HEATR5A: variants seen among roughly 807,000 people sequenced by gnomAD.
The protein encoded by HEATR5A is HEAT repeat containing 5A, also known as HEAT repeat-containing protein 5A.
Under a neutral mutation model 218.8 loss-of-function variants are expected in HEATR5A, and 178 were observed. The ratio of observed to expected loss-of-function variants is 0.81; its 90% CI spans 0.72 to 0.92. The LOEUF (loss-of-function observed/expected upper bound fraction) is 0.92, where lower values mean the gene tolerates loss of function less well. HEATR5A is among the 40% of genes least tolerant of loss of function. The pLI, the probability that HEATR5A is intolerant of heterozygous loss-of-function variation, is 0.00. For missense variants in HEATR5A, 2,420 were observed against 2,418.9 expected (o/e 1.00, Z -0.01); for synonymous variants, 864 against 871.6 (o/e 0.99, Z 0.15).
At chr14:31,414,366 C>T (rs1473381632) in intron 1 of HEATR5A, among the ~76,000 whole-genome samples, 1 of 152,148 alleles carries the variant, frequency 6.6e-6, no homozygotes, top group Non-Finnish European at 1.5e-5. Flanking sequence ...AAAGCCTATT[C>T]ATTCTTAGTT....
chr14:31,302,629 T>C (rs951478810), intron 32 of HEATR5A, 110 bp from the exon 33 acceptor site: 10 of 710,462 alleles, frequency 1.4e-5, no homozygotes, highest in Non-Finnish European at 2.3e-5. Context: ...TTTTAAAAGA[T>C]GATTTCTAAT....
At chr14:31,314,225 G>C (rs1899844672) in intron 27 of HEATR5A, among the ~76,000 whole-genome samples, 1 of 151,960 alleles carries the variant, frequency 6.6e-6, no homozygotes, top group African/African-American at 2.4e-5. Flanking sequence ...TGGGATTATA[G>C]GCGTGAGCCA....
chr14:31,296,041 A>G lies in HEATR5A; in HGVS notation c.5487T>C (p.Leu1829=), dbSNP rs1899179024. 3 of 1,613,406 alleles carry G rather than the reference A, an allele frequency of 1.9e-6. No homozygotes were observed. The highest frequency in any genetic ancestry group is 2.7e-5 in the African/African-American group (2 of 74,890). ...WDPVDETHQE[L]DEVSLLTAIT... ...TAGCAGTAAGTAGACTGACTTCATC[A>G]AGTTCTTGGTGTGTTTCATCAACTA... Residue 1829 remains leucine, a synonymous_variant, in exon 34 of 36, where the codon CTT becomes CTC. Coordinates refer to ENST00000543095, the MANE Select transcript of HEATR5A (RefSeq NM_015473.4).
At chr14:31,318,678 C>G (rs1414483058) in intron 25 of HEATR5A, among the ~76,000 whole-genome samples, 1 of 152,116 alleles carries the variant, frequency 6.6e-6, no homozygotes, top group Non-Finnish European at 1.5e-5. Context: ...TTAGTAGAGA[C>G]AGGGTTTCAC....
At position 31,344,080 on chromosome 14, in the gene HEATR5A, A is replaced by T; in HGVS notation, c.3059-15T>A. 2 of 1,442,698 alleles carry T rather than the reference A, an allele frequency of 1.4e-6. No individual in the cohort carries two copies. Among genetic ancestry groups the T allele is most frequent in the Non-Finnish European group, 9.2e-7 (1 of 1,083,434 alleles). 89.4% of individuals were successfully genotyped at this position (1,442,698 alleles called of 1,614,324 possible). Reference sequence around the variant, plus strand: ...AGTACTGTTACCTAAAATAAAAAGCAGAAAGCTTTTAATAATTGGCCTATA... The same window carrying T: ...AGTACTGTTACCTAAAATAAAAAGCTGAAAGCTTTTAATAATTGGCCTATA... On this transcript the variant is annotated splice_polypyrimidine_tract_variant and intron_variant, in intron 20 of 35. Coordinates refer to ENST00000543095, the MANE Select transcript of HEATR5A (RefSeq NM_015473.4).
intron 11 of HEATR5A, among the ~76,000 whole-genome samples, chr14:31,375,396 AT>A (rs1208375996): frequency 6.6e-6 from 1 of 152,158 alleles, no homozygotes; most frequent in African/African-American, 2.4e-5. Context: ...ACAACATTGC[AT>A]GCTTTTTGAG....
chr14:31,321,195 G>C (rs1900091151), intron 25 of HEATR5A, among the ~76,000 whole-genome samples: 1 of 151,100 alleles, frequency 6.6e-6, no homozygotes, highest in Admixed American at 6.6e-5. Flanking sequence ...GTCTGGATCT[G>C]TCACCTAGGC....
At chr14:31,300,903 T>TA (rs943589788) in intron 33 of HEATR5A, among the ~76,000 whole-genome samples, 16 of 152,112 alleles carry the variant, frequency 1.1e-4, no homozygotes, top group Admixed American at 5.9e-4. Context: ...TCCCATTTTT[T>TA]AAAAAAAACC....
Position 31,377,400 on chromosome 14 carries a change from GA to G in HEATR5A, c.1709-2433del, listed in dbSNP as rs1595153568. Among the ~76,000 whole-genome samples, 3 of 124,368 alleles carry G rather than the reference GA, an allele frequency of 2.4e-5. No individual in the cohort carries two copies. In the East Asian group the frequency reaches 7.2e-4, roughly 30 times the overall value. The allele number at this position is 124,368 out of a possible 152,430, so 81.6% of individuals were successfully genotyped here. On this transcript the variant is annotated intron_variant, in intron 11 of 35. Coordinates refer to ENST00000543095, the MANE Select transcript of HEATR5A (RefSeq NM_015473.4). ...AACATATAAATATATAAAATTCCAT[GA>G]GCTCATAATGATACCTAAAAAAAAA...
rs550183124 is a variant in HEATR5A at position 31,378,802 on chromosome 14, A to G, written c.1708+1665T>C. Among the ~76,000 whole-genome samples, 1,103 of 129,858 alleles carry G rather than the reference A, an allele frequency of 8.5e-3. 24 individuals are homozygous for G. The highest frequency in any genetic ancestry group is 0.033 in the African/African-American group (1,046 of 31,444). The allele number at this position is 129,858 out of a possible 152,430, so 85.2% of individuals were successfully genotyped here. On this transcript the variant is annotated intron_variant, in intron 11 of 35. Transcript: ENST00000543095. ...GACTCCACCTCAAAAAAAAACAAAC[A>G]AAAAAAAAAAACACTACTTAAAGTA...
At chr14:31,362,604 G>GAAA (rs1901656618) in intron 14 of HEATR5A, among the ~76,000 whole-genome samples, 1 of 18,700 alleles carries the variant, frequency 5.3e-5, no homozygotes, top group Non-Finnish European at 1.1e-4. Flanking sequence ...CTCTACAAAT[G>GAAA]ACAAAAAAAA....
At chr14:31,371,234 C>T (rs1595147263) in intron 13 of HEATR5A, among the ~76,000 whole-genome samples, 1 of 152,294 alleles carries the variant, frequency 6.6e-6, no homozygotes, top group East Asian at 1.9e-4. Context: ...AAGAAACAGT[C>T]ACAAACCTTT....
chr14:31,301,559 T>TA, intron 33 of HEATR5A, among the ~76,000 whole-genome samples: 1 of 152,344 alleles, frequency 6.6e-6, no homozygotes, highest in East Asian at 1.9e-4. Flanking sequence ...TATTTATTAC[T>TA]CACTACAAGC....
At chr14:31,397,473 C>G (rs1023928747) in intron 4 of HEATR5A, among the ~76,000 whole-genome samples, 1 of 151,844 alleles carries the variant, frequency 6.6e-6, no homozygotes, top group Non-Finnish European at 1.5e-5. Flanking sequence ...GCCTGGTGAA[C>G]ATGGTGAAAC....
intron 2 of HEATR5A, among the ~76,000 whole-genome samples, chr14:31,400,735 G>C (rs1043444552): frequency 6.6e-6 from 1 of 151,882 alleles, no homozygotes; most frequent in Non-Finnish European, 1.5e-5. Flanking sequence ...CAAAAATTCC[G>C]AACCACATTA....
chr14:31,382,061 G>C (rs1478758866), intron 10 of HEATR5A, among the ~76,000 whole-genome samples: 1 of 152,170 alleles, frequency 6.6e-6, no homozygotes, highest in Non-Finnish European at 1.5e-5. Flanking sequence ...CAAAAAGAGT[G>C]AGGACAAAAC....
intron 31 of HEATR5A, among the ~76,000 whole-genome samples, chr14:31,305,403 T>C (rs1444560300): frequency 6.6e-6 from 1 of 152,100 alleles, no homozygotes; most frequent in Non-Finnish European, 1.5e-5. Flanking sequence ...GCTGGGATTA[T>C]AGGCATGCAC....
intron 13 of HEATR5A, among the ~76,000 whole-genome samples, chr14:31,366,956 C>A (rs898818056): frequency 6.6e-6 from 1 of 152,168 alleles, no homozygotes; most frequent in Non-Finnish European, 1.5e-5. Context: ...GGAGCAAACA[C>A]CATCCTATCA....
chr14:31,324,201 G>A (rs1481402051), intron 23 of HEATR5A, among the ~76,000 whole-genome samples: 1 of 152,056 alleles, frequency 6.6e-6, no homozygotes, highest in Non-Finnish European at 1.5e-5. Context: ...ACATTGGGAA[G>A]GCTGTTTTAA....
Sources: allele counts gnomAD v4.1 joint callset (sites outside exome capture counted in the v4.1 genomes callset), GRCh38; gene constraint gnomAD v4.1.1; transcripts MANE v1.5; gene names NCBI Gene and HGNC (gene_info 2026-07-23, HGNC 2026-07-21).